The following MMP16 variants were observed in gnomAD, a reference collection of about 807,000 sequenced individuals.
MMP16 encodes matrix metalloproteinase-16.
In MMP16, 12 loss-of-function variants were observed where a neutral mutation model predicts 67.8. The observed-to-expected ratio is 0.18, with a 90% confidence interval of 0.11 to 0.29. The LOEUF (loss-of-function observed/expected upper bound fraction) is 0.29. Among genes scored for constraint, MMP16 ranks in the 10% least tolerant of loss-of-function variants. The probability of loss-of-function intolerance (pLI) is 1.00; values close to 1 mark genes in which losing one functional copy is unlikely to be tolerated. For synonymous variants in MMP16, 249 were observed against 255.9 expected (o/e 0.97, Z 0.26); for missense variants, 475 against 765.7 (o/e 0.62, Z 4.48).
At chr8:88,157,487 C>A (rs1563548788) in intron 4 of MMP16, among the ~76,000 whole-genome samples, 1 of 151,826 alleles carries the variant, frequency 6.6e-6, no homozygotes, top group Non-Finnish European at 1.5e-5. Context: ...GCAAATTTAT[C>A]AACTGCTGCC....
intron 9 of MMP16, 96 bp downstream of exon 9, chr8:88,046,573 T>C (rs1292314855): frequency 1.5e-6 from 1 of 677,610 alleles, no homozygotes; most frequent in Non-Finnish European, 2.5e-6. Flanking sequence ...AGCTCTAGTA[T>C]AGCACTTTCC....
intron 1 of MMP16, among the ~76,000 whole-genome samples, chr8:88,220,521 T>C (rs28904621): frequency 0.027 from 4,119 of 150,890 alleles, 89 homozygotes; most frequent in Non-Finnish European, 0.039. Context: ...ATTCAGATTG[T>C]ATGTGTGCAT....
chr8:88,168,668 C>T (rs1808753547), intron 3 of MMP16, among the ~76,000 whole-genome samples: 1 of 152,046 alleles, frequency 6.6e-6, no homozygotes, highest in Non-Finnish European at 1.5e-5. Flanking sequence ...TCATTTGGCA[C>T]TAAATCAGAT....
intron 7 of MMP16, among the ~76,000 whole-genome samples, chr8:88,060,428 C>T (rs1808383145): frequency 6.6e-6 from 1 of 152,078 alleles, no homozygotes; most frequent in Non-Finnish European, 1.5e-5. Context: ...ATTTTTGCCT[C>T]TCTTTTGTTT....
intron 2 of MMP16, among the ~76,000 whole-genome samples, chr8:88,195,543 T>C (rs1029848286): frequency 3.3e-5 from 5 of 152,202 alleles, no homozygotes; most frequent in Non-Finnish European, 7.3e-5. Flanking sequence ...TTTGGTACTA[T>C]ACGTGGCAGC....
chr8:88,069,495 T>C lies in MMP16; in HGVS notation c.1222+5110A>G, dbSNP rs1178826672. ...ATGGTATTTGTAGAGCCAACCATCT[T>C]GGATTATAGATAGAGTGTCTCCCTT... On this transcript the variant is annotated intron_variant, in intron 7 of 9. Transcript: ENST00000286614. The C allele has an allele frequency of 7.7e-6, 4 of 520,924 alleles. No individual in the cohort carries two copies. In the African/African-American group the frequency reaches 8.6e-5, roughly 11 times the overall value. 32.3% of individuals were successfully genotyped at this position (520,924 alleles called of 1,614,324 possible). A position where few individuals can be genotyped will look rare whatever the true frequency, so the allele number is the denominator to read the frequency against.
intron 6 of MMP16, among the ~76,000 whole-genome samples, chr8:88,082,387 T>A (rs1391284014): frequency 6.6e-6 from 1 of 152,114 alleles, no homozygotes; most frequent in African/African-American, 2.4e-5. Context: ...ACATACATAT[T>A]TGTCTTTTGA....
chr8:88,080,585 G>T (rs953922594), intron 6 of MMP16, among the ~76,000 whole-genome samples: 1 of 152,000 alleles, frequency 6.6e-6, no homozygotes, highest in Non-Finnish European at 1.5e-5. Context: ...ACAGGCATCT[G>T]CCACCACGCC....
chr8:88,326,614 C>A (rs1811542383), intron 1 of MMP16, among the ~76,000 whole-genome samples: 1 of 152,078 alleles, frequency 6.6e-6, no homozygotes, highest in Admixed American at 6.5e-5. Context: ...CTAGTGTTCC[C>A]ACGCTCTCCT....
At chr8:88,288,114 C>T (rs1245797349) in intron 1 of MMP16, among the ~76,000 whole-genome samples, 4 of 152,180 alleles carry the variant, frequency 2.6e-5, no homozygotes, top group Non-Finnish European at 5.9e-5. Flanking sequence ...TTACTTTAGA[C>T]TCACAAATCT....
intron 6 of MMP16, among the ~76,000 whole-genome samples, chr8:88,076,722 G>A (rs77272540): frequency 0.016 from 2,498 of 152,080 alleles, 67 homozygotes; most frequent in African/African-American, 0.056. Flanking sequence ...CTTCTAACTG[G>A]GTGTTAAAAC....
intron 1 of MMP16, among the ~76,000 whole-genome samples, chr8:88,243,897 T>A (rs1056607801): frequency 6.6e-6 from 1 of 152,180 alleles, no homozygotes; most frequent in Non-Finnish European, 1.5e-5. Context: ...ATTTTAGTCT[T>A]ACAGCCATTC....
Position 88,138,936 on chromosome 8 carries a change from T to C in MMP16, c.710-20075A>G, listed in dbSNP as rs568063603. ...AGCCAAGGCATTTATGTTTTTCAGG[T>C]TCACTCAATCACTTTTTTGACTTTG... On this transcript the variant is annotated intron_variant, in intron 4 of 9. Coordinates refer to ENST00000286614, the MANE Select transcript of MMP16 (RefSeq NM_005941.5). Among the ~76,000 whole-genome samples, 3 of 152,250 alleles carry C rather than the reference T, an allele frequency of 2.0e-5. No individual in the cohort carries two copies. The South Asian group carries it at 6.2e-4, about 32-fold the overall frequency.
intron 4 of MMP16, among the ~76,000 whole-genome samples, chr8:88,134,735 A>G (rs1321266308): frequency 6.6e-6 from 1 of 151,382 alleles, no homozygotes; most frequent in Non-Finnish European, 1.5e-5. Flanking sequence ...CTTTGTACCC[A>G]TCCCTTATTT....
At chr8:88,311,904 C>A (rs1229117005) in intron 1 of MMP16, among the ~76,000 whole-genome samples, 1 of 151,808 alleles carries the variant, frequency 6.6e-6, no homozygotes, top group Non-Finnish European at 1.5e-5. Context: ...GGTTGCAACC[C>A]AAAATAGACA....
At chr8:88,073,842 T>C (rs1808602236) in intron 7 of MMP16, among the ~76,000 whole-genome samples, 1 of 152,154 alleles carries the variant, frequency 6.6e-6, no homozygotes. Context: ...TTGGGTAATA[T>C]GTTCAACCAT....
chr8:88,047,949 G>A (rs1370582573), intron 8 of MMP16, among the ~76,000 whole-genome samples: 8 of 152,126 alleles, frequency 5.3e-5, no homozygotes. Context: ...CAAGGCATTT[G>A]GGATATATTT....
At chr8:88,210,453 T>C (rs1255888759) in intron 1 of MMP16, among the ~76,000 whole-genome samples, 1 of 152,192 alleles carries the variant, frequency 6.6e-6, no homozygotes, top group African/African-American at 2.4e-5. Flanking sequence ...TAATGCCCAG[T>C]TGATAACACA....
chr8:88,191,689 G>A (rs575785903), intron 2 of MMP16, among the ~76,000 whole-genome samples: 10 of 152,232 alleles, frequency 6.6e-5, no homozygotes, highest in African/African-American at 2.4e-4. Context: ...ACATATATCT[G>A]AAAGTGTCCA....
Sources: allele counts gnomAD v4.1 joint callset (sites outside exome capture counted in the v4.1 genomes callset), GRCh38; gene constraint gnomAD v4.1.1; transcripts MANE v1.5; gene names NCBI Gene and HGNC (gene_info 2026-07-23, HGNC 2026-07-21).